SLC16A11: variants seen among roughly 807,000 people sequenced by gnomAD.
SLC16A11 encodes monocarboxylate transporter 11.
A neutral mutation model predicts 26.0 loss-of-function variants in SLC16A11; 24 were observed. The observed-to-expected ratio is 0.92, with a 90% CI of 0.67 to 1.30. The LOEUF is 1.30. SLC16A11 is among the 50% of genes most tolerant of loss of function. SLC16A11 has a pLI of 0.00. For missense variants in SLC16A11, 638 were observed against 597.7 expected, an observed-to-expected ratio of 1.07 and a Z score of -0.70; for synonymous variants, 332 against 296.0, an observed-to-expected ratio of 1.12 and a Z score of -1.25.
Position 7,043,367 on chromosome 17 carries a change from G to A in SLC16A11, c.147C>T (p.Ser49=), listed in dbSNP as rs1427293909. 1 of 1,610,288 alleles carries A rather than the reference G, an allele frequency of 6.2e-7. No individual in the cohort carries two copies. The highest frequency in any genetic ancestry group is 2.2e-5 in the East Asian group (1 of 44,868). The part of the protein sequence containing the change: ...FPDLAEHFDR[S]AQDTAWISAL... ...CGCTGATCCACGCAGTGTCCTGGGCGCTTCGGTCAAAGTGCTCGGCAAGGT... is the reference window on the plus strand; with the variant it reads ...CGCTGATCCACGCAGTGTCCTGGGCACTTCGGTCAAAGTGCTCGGCAAGGT... Residue 49 remains serine, a synonymous_variant, in exon 2 of 5, where the codon AGC becomes AGT. Transcript: ENST00000574600.
Position 7,042,360 on chromosome 17 carries a change from C to A in SLC16A11, c.750G>T (p.Leu250=), listed in dbSNP as rs749641384. 1.3e-6 allele frequency: 2 copies of A among 1,563,662 alleles called. No individual in the cohort carries two copies. The highest frequency in any genetic ancestry group is 2.4e-5 in the East Asian group (1 of 41,854). Residue 250 remains leucine (L), a synonymous_variant, in exon 4 of 5, where the codon CTG becomes CTT. Coordinates refer to ENST00000574600, the MANE Select transcript of SLC16A11 (RefSeq NM_001370549.1). This position sits in a 1 kb window ranked among gnomAD's most constrained non-coding sequence, Gnocchi z 5.9. ...HLAPHALDRG[L]GGYGAALVVA... ...CCACCAGCGCTGCTCCGTATCCCCCCAGGCCCCGGTCTAAAGCGTGGGGAG... is the reference window on the plus strand; with the variant it reads ...CCACCAGCGCTGCTCCGTATCCCCCAAGGCCCCGGTCTAAAGCGTGGGGAG...
Position 7,041,772 on chromosome 17 carries a change from C to A in SLC16A11, c.1251G>T (p.Thr417=), listed in dbSNP as rs561048667. The change falls in exon 5 of 5, where the codon ACG becomes ACT. Residue 417 remains threonine (T), a synonymous_variant. Coordinates refer to ENST00000574600, the MANE Select transcript of SLC16A11 (RefSeq NM_001370549.1). ...GCAGCTCCCCCGTCTCTGGGGGAGG[C>A]GTGGCTGGAGGGGAGGCTGGACCAC... ...PSCGPASPPA[T]PPPETGELLP... is the part of the protein sequence containing the mutation. 12 of 1,613,362 alleles carry A rather than the reference C, an allele frequency of 7.4e-6. No individual in the cohort carries two copies. Among genetic ancestry groups the A allele is most frequent in the Non-Finnish European group, 1.0e-5 (12 of 1,179,922 alleles).
At position 7,042,212 on chromosome 17, in the gene SLC16A11, A is replaced by C; in HGVS notation, c.898T>G (p.Trp300Gly). Residue 300 changes from tryptophan (W) to glycine (G), a missense_variant, in exon 4 of 5, where the codon TGG (tryptophan) becomes GGG (glycine). Physicochemically the swap from Trp to Gly is radical, Grantham distance 184. Coordinates refer to ENST00000574600, the MANE Select transcript of SLC16A11 (RefSeq NM_001370549.1). This position sits in a 1 kb window ranked among gnomAD's most constrained non-coding sequence, Gnocchi z 5.9. ...ACCACGGGCACCAGCCCCACCACCCACAGCCCCAGCCCAGTCAGAGCCCCG... is the reference window on the plus strand; with the variant it reads ...ACCACGGGCACCAGCCCCACCACCCCCAGCCCCAGCCCAGTCAGAGCCCCG... Reference protein sequence around the residue: ...VFGALTGLGLWVVGLVPVVGG... With the variant: ...VFGALTGLGLGVVGLVPVVGG... 1 of 1,574,024 alleles carries C rather than the reference A, an allele frequency of 6.4e-7. No individual in the cohort carries two copies. The highest frequency in any genetic ancestry group is 8.6e-7 in the Non-Finnish European group (1 of 1,161,404).
chr17:7,043,016 C>G lies in SLC16A11; in HGVS notation c.260G>C (p.Gly87Ala), dbSNP rs746861291. ...GAAGCCCAGCGAGGCGAGGACGCCC[C>G]CAACCATCACCACGGGGCGGGCCCC... is the stretch of plus-strand genomic sequence containing the variant. Reference protein sequence around the residue: ...RWGARPVVMVGGVLASLGFVF... With the variant: ...RWGARPVVMVAGVLASLGFVF... Residue 87 changes from glycine to alanine, a missense_variant, in exon 3 of 5, where the codon GGG (glycine) becomes GCG (alanine). By Grantham distance (60) the Gly-to-Ala change is moderately conservative. Transcript: ENST00000574600. 6.3e-7 allele frequency: 1 copy of G among 1,593,136 alleles called. No individual in the cohort carries two copies. The highest frequency in any genetic ancestry group is 1.3e-5 in the African/African-American group (1 of 74,540).
chr17:7,043,216 C>G, intron 2 of SLC16A11, 96 bp downstream of exon 2: 1 of 1,502,592 alleles, frequency 6.7e-7, no homozygotes, highest in Non-Finnish European at 8.8e-7. Flanking sequence ...GCCGGTTGCC[C>G]TTTCTCAGGT....
chr17:7,042,659 C>T lies in SLC16A11; in HGVS notation c.451G>A (p.Ala151Thr), dbSNP rs757835036. ...GCGGGCGCCAGGAGCAGCGAGGAGG[C>T]CCCGTTGCCGGTGAGCGCCAGCCCC... ...AVGLALTGNG[A>T]SSLLLAPALQ... Residue 151 changes from alanine (A) to threonine (T), a missense_variant, in exon 4 of 5, where the codon GCC (alanine) becomes ACC (threonine). Coordinates refer to ENST00000574600, the MANE Select transcript of SLC16A11 (RefSeq NM_001370549.1). This position sits in a 1 kb window ranked among gnomAD's most constrained non-coding sequence, Gnocchi z 5.9. 16 of 1,563,076 alleles carry T rather than the reference C, an allele frequency of 1.0e-5. No homozygotes were observed. Among genetic ancestry groups the T allele is most frequent in the Non-Finnish European group, 1.4e-5 (16 of 1,158,458 alleles).
chr17:7,042,208 A>G lies in SLC16A11; in HGVS notation c.902T>C (p.Val301Ala), dbSNP rs1338057105. 4 of 1,570,426 alleles carry G rather than the reference A, an allele frequency of 2.5e-6. No homozygotes were observed. The South Asian group carries it at 4.6e-5, about 18-fold the overall frequency. The change falls in exon 4 of 5, where the codon GTG (valine) becomes GCG (alanine). Residue 301 changes from valine (V) to alanine (A), a missense_variant. Coordinates refer to ENST00000574600, the MANE Select transcript of SLC16A11 (RefSeq NM_001370549.1). This position sits in a 1 kb window ranked among gnomAD's most constrained non-coding sequence, Gnocchi z 5.9. ...GCCCACCACGGGCACCAGCCCCACC[A>G]CCCACAGCCCCAGCCCAGTCAGAGC... ...FGALTGLGLW[V>A]VGLVPVVGGE...
Position 7,043,969 on chromosome 17 carries a change from C to A in SLC16A11, c.-201G>T. On this transcript the variant is annotated 5_prime_UTR_variant, in exon 1 of 5. Transcript: ENST00000574600. ...CCTGGGACGCGGGGTGTACGGAGGG[C>A]GGGGGCGAGCTGAAACAGCCAATCC... The A allele has an allele frequency of 5.2e-6, 1 of 191,982 alleles. No individual in the cohort carries two copies. Among genetic ancestry groups the A allele is most frequent in the Non-Finnish European group, 1.1e-5 (1 of 94,608 alleles). 11.9% of individuals were successfully genotyped at this position (191,982 alleles called of 1,614,324 possible).
In SLC16A11 at chr17:7,042,546, G is replaced by T; in HGVS notation, c.564C>A (p.Ala188=). The change falls in exon 4 of 5, where the codon GCC becomes GCA. Residue 188 remains alanine, a synonymous_variant. Coordinates refer to ENST00000574600, the MANE Select transcript of SLC16A11 (RefSeq NM_001370549.1). The surrounding 1 kb of genome is among the most constrained non-coding windows in gnomAD (Gnocchi z 5.9). ...CAGGAAGGACCAGGGGTAGCAGCAG[G>T]GCGCCACAGGGGGTGAGGTGGAGGG... ...AITLHLTPCG[A]LLLPLVLPGD... The T allele has an allele frequency of 6.3e-7, 1 of 1,575,838 alleles. No individual in the cohort carries two copies. The highest frequency in any genetic ancestry group is 2.3e-5 in the East Asian group (1 of 43,748).
intron 2 of SLC16A11, 79 bp from the exon 3 acceptor site, chr17:7,043,152 C>T: frequency 6.9e-7 from 1 of 1,458,888 alleles, no homozygotes. Flanking sequence ...GGCTGTTTGC[C>T]TCCCTCGAAC....
rs1421929750 is a variant in SLC16A11, at chr17:7,042,308, C to T, written c.802G>A (p.Gly268Ser). Residue 268 changes from glycine (G) to serine (S), a missense_variant, in exon 4 of 5, where the codon GGC becomes AGC. Gly to Ser is a moderately conservative substitution (Grantham distance 56, BLOSUM62 0). Transcript: ENST00000574600. This position sits in a 1 kb window ranked among gnomAD's most constrained non-coding sequence, Gnocchi z 5.9. ...AGCCACCCGCAGACCAGCCGGGCGC[C>T]CGCATCCCCCATCGCAGCCACGGCC... Reference protein sequence around the residue: ...VVAVAAMGDAGARLVCGWLAD... With the variant: ...VVAVAAMGDASARLVCGWLAD... The T allele has an allele frequency of 6.5e-7, 1 of 1,548,524 alleles. No individual in the cohort carries two copies. The highest frequency in any genetic ancestry group is 8.7e-7 in the Non-Finnish European group (1 of 1,145,218).
chr17:7,043,203 A>G (rs959554476), intron 2 of SLC16A11, 109 bp downstream of exon 2: 6 of 1,483,186 alleles, frequency 4.0e-6, no homozygotes, highest in Non-Finnish European at 4.5e-6. Flanking sequence ...ACTCTTTTCT[A>G]GAGCCGGTTG....
rs541411157 is a variant in SLC16A11 at position 7,042,676 on chromosome 17, G to A, written c.434C>T (p.Ala145Val). The change falls in exon 4 of 5, where the codon GCG (alanine) becomes GTG (valine). Residue 145 changes from alanine to valine, a missense_variant. By Grantham distance (64) the Ala-to-Val change is moderately conservative. Coordinates refer to ENST00000574600, the MANE Select transcript of SLC16A11 (RefSeq NM_001370549.1). This position sits in a 1 kb window ranked among gnomAD's most constrained non-coding sequence, Gnocchi z 5.9. Reference sequence around the variant, plus strand: ...CGAGGAGGCCCCGTTGCCGGTGAGCGCCAGCCCCACCGCCAAGACTCGACG... The same window carrying A: ...CGAGGAGGCCCCGTTGCCGGTGAGCACCAGCCCCACCGCCAAGACTCGACG... Reference protein sequence around the residue: ...SRRRVLAVGLALTGNGASSLL... With the variant: ...SRRRVLAVGLVLTGNGASSLL... 10 of 1,554,434 alleles carry A rather than the reference G, an allele frequency of 6.4e-6. 1 individual carries two copies. In the African/African-American group the frequency reaches 6.8e-5, roughly 10 times the overall value.
At chr17:7,043,144 C>T in intron 2 of SLC16A11, 71 bp from the exon 3 acceptor site, 2 of 1,462,306 alleles carry the variant, frequency 1.4e-6, no homozygotes, top group African/African-American at 1.4e-5. Flanking sequence ...TTCTCATTGG[C>T]TGTTTGCCTC....
Position 7,041,882 on chromosome 17 carries a change from A to G in SLC16A11, c.1141T>C (p.Phe381Leu), listed in dbSNP as rs35712788. 1,000 of 1,614,020 alleles carry G rather than the reference A, an allele frequency of 6.2e-4. 10 individuals are homozygous for G. In the African/African-American group the frequency reaches 0.012, roughly 20 times the overall value. Residue 381 changes from phenylalanine to leucine, a missense_variant, in exon 5 of 5, where the codon TTC (phenylalanine) becomes CTC (leucine). Coordinates refer to ENST00000574600, the MANE Select transcript of SLC16A11 (RefSeq NM_001370549.1). ...CCAGACAGGAGGAAAGAGGCGGTGA[A>G]GTCTCCTGTCTCATCCCTTAGGAAG... is the stretch of plus-strand genomic sequence containing the variant. ...SGFLRDETGDFTASFLLSGSL... is the reference protein window; with the variant it reads ...SGFLRDETGDLTASFLLSGSL...
At position 7,043,448 on chromosome 17, in the gene SLC16A11, G is replaced by A. The variant is rs1300926636; in HGVS notation, c.66C>T (p.Phe22=). 3 of 1,597,812 alleles carry A rather than the reference G, an allele frequency of 1.9e-6. No individual in the cohort carries two copies. Among genetic ancestry groups the A allele is most frequent in the Non-Finnish European group, 2.5e-6 (3 of 1,176,830 alleles). The change falls in exon 2 of 5, where the codon TTC becomes TTT. Residue 22 remains phenylalanine (F), a synonymous_variant. Coordinates refer to ENST00000574600, the MANE Select transcript of SLC16A11 (RefSeq NM_001370549.1). ...GWGWVVAAAA[F]AINGLSYGLL... Reference sequence around the variant, plus strand: ...GCCCGTAGGACAGCCCGTTTATCGCGAAGGCTGCGGCCGCCACCACCCAGC... The same window carrying A: ...GCCCGTAGGACAGCCCGTTTATCGCAAAGGCTGCGGCCGCCACCACCCAGC...
rs372915920 is a variant in SLC16A11 at position 7,043,527 on chromosome 17, G to A, written c.-6-8C>T. On this transcript the variant is annotated splice_region_variant and splice_polypyrimidine_tract_variant and intron_variant, in intron 1 of 4. Coordinates refer to ENST00000574600, the MANE Select transcript of SLC16A11 (RefSeq NM_001370549.1). ...CTGGGGGGTCATCGCCGTCTGCGGG[G>A]TGGGGAAACATCTGTGAGAGAAGCC... The A allele has an allele frequency of 4.4e-6, 7 of 1,596,492 alleles. No homozygotes were observed. The highest frequency in any genetic ancestry group is 5.9e-6 in the Non-Finnish European group (7 of 1,177,932).
Position 7,043,367 on chromosome 17 carries a change from G to T in SLC16A11, c.147C>A (p.Ser49Arg). The change falls in exon 2 of 5, where the codon AGC becomes AGA. Residue 49 changes from serine to arginine, a missense_variant. Transcript: ENST00000574600. ...CGCTGATCCACGCAGTGTCCTGGGCGCTTCGGTCAAAGTGCTCGGCAAGGT... is the reference window on the plus strand; with the variant it reads ...CGCTGATCCACGCAGTGTCCTGGGCTCTTCGGTCAAAGTGCTCGGCAAGGT... The part of the protein sequence containing the change: ...FPDLAEHFDR[S>R]AQDTAWISAL... 1 of 1,610,406 alleles carries T rather than the reference G, an allele frequency of 6.2e-7. No individual in the cohort carries two copies.
intron 1 of SLC16A11, 37 bp from the exon 2 acceptor site, chr17:7,043,556 A>G: frequency 1.3e-6 from 2 of 1,570,204 alleles, no homozygotes; most frequent in Middle Eastern, 1.7e-4. Flanking sequence ...AGAAGCCTCC[A>G]CGCCTGTGCT....
Sources: allele counts gnomAD v4.1 joint callset, GRCh38; gene constraint gnomAD v4.1.1; non-coding constraint Gnocchi (gnomAD v3.1); transcripts MANE v1.5; gene names NCBI Gene and HGNC (gene_info 2026-07-23, HGNC 2026-07-21).